NEXMIF: variants seen among roughly 807,000 people sequenced by gnomAD.
The protein encoded by NEXMIF is XLMR protein related to neurite extension.
Under a neutral mutation model 62.1 loss-of-function variants are expected in NEXMIF, and 8 were observed. The observed-to-expected ratio is 0.13, with a 90% CI of 0.08 to 0.23. NEXMIF has a LOEUF of 0.23. Among genes scored for constraint, NEXMIF ranks in the 10% least tolerant of loss-of-function variants. The pLI is 1.00. For missense variants in NEXMIF, 976 were observed against 1,113.3 expected (o/e 0.88, Z 1.75); for synonymous variants, 404 against 416.6 (o/e 0.97, Z 0.37).
At chrX:74,898,593 G>A (rs1033631783) in intron 1 of NEXMIF, among the ~76,000 whole-genome samples, 3 of 111,516 alleles carry the variant, frequency 2.7e-5, no homozygotes, top group African/African-American at 6.5e-5. Context: ...TGTGACAAAC[G>A]TACCACACTC....
In NEXMIF at chrX:74,830,730, A is replaced by G. The variant is rs2080433335; in HGVS notation, c.-47-85033T>C. ...TTTGGTGTCCTCTTCAATTTCTTTC[A>G]TCAGCATTTTGTACTTTTCATTGTA... On this transcript the variant is annotated intron_variant, in intron 1 of 3. Coordinates refer to ENST00000055682, the MANE Select transcript of NEXMIF (RefSeq NM_001008537.3). Among the ~76,000 whole-genome samples the G allele has an allele frequency of 2.7e-5, 3 of 111,904 alleles. No homozygotes were observed. In the Admixed American group the frequency reaches 2.8e-4, roughly 11 times the overall value.
At chrX:74,859,217 T>A (rs1189779947) in intron 1 of NEXMIF, among the ~76,000 whole-genome samples, 2 of 111,124 alleles carry the variant, frequency 1.8e-5, no homozygotes, top group African/African-American at 6.5e-5. Flanking sequence ...CATTTAGTCA[T>A]CAAACTTCCA....
In NEXMIF at chrX:74,740,560, A is replaced by G. The variant is rs950441812; in HGVS notation, c.3997T>C (p.Phe1333Leu). The change falls in exon 3 of 4, where the codon TTC becomes CTC. Residue 1333 changes from phenylalanine (F) to leucine (L), a missense_variant. By Grantham distance (22) the Phe-to-Leu change is conservative. Coordinates refer to ENST00000055682, the MANE Select transcript of NEXMIF (RefSeq NM_001008537.3). ...IASGMADVQR[F>L]MMASIEPLWE... ...AGGGGCTCTATGGAGGCCATCATGA[A>G]TCTCTGCACATCTGCCATACCAGAG... The G allele has an allele frequency of 8.3e-7, 1 of 1,210,176 alleles. No individual in the cohort carries two copies. Among genetic ancestry groups the G allele is most frequent in the African/African-American group, 1.7e-5 (1 of 57,229 alleles).
At chrX:74,746,759 T>C (rs1331494549) in intron 1 of NEXMIF, among the ~76,000 whole-genome samples, 1 of 112,624 alleles carries the variant, frequency 8.9e-6, no homozygotes, top group Non-Finnish European at 1.9e-5. Context: ...ATACAAAGAC[T>C]GTATTAGGCA....
At chrX:74,856,582 G>A (rs1287003400) in intron 1 of NEXMIF, among the ~76,000 whole-genome samples, 1 of 110,788 alleles carries the variant, frequency 9.0e-6, no homozygotes, top group Admixed American at 9.6e-5. Context: ...TATAATGGAG[G>A]GGAGAGGGCA....
intron 1 of NEXMIF, among the ~76,000 whole-genome samples, chrX:74,790,026 T>A (rs1329992581): frequency 1.0e-5 from 1 of 96,389 alleles, no homozygotes; most frequent in East Asian, 3.4e-4. Flanking sequence ...TTGCTTTTGG[T>A]GTTTTAGACA....
chrX:74,841,538 G>A (rs762130302), intron 1 of NEXMIF, among the ~76,000 whole-genome samples: 2 of 111,824 alleles, frequency 1.8e-5, no homozygotes, highest in Admixed American at 9.5e-5. Context: ...GGTGAGAGAA[G>A]CCATCCTTGT....
intron 1 of NEXMIF, among the ~76,000 whole-genome samples, chrX:74,888,824 G>T (rs2080707225): frequency 8.9e-6 from 1 of 111,852 alleles, no homozygotes; most frequent in Non-Finnish European, 1.9e-5. Flanking sequence ...ATAGTTCATT[G>T]TTCCCAAAAT....
chrX:74,758,991 T>C (rs1338045822), intron 1 of NEXMIF, among the ~76,000 whole-genome samples: 1 of 112,413 alleles, frequency 8.9e-6, no homozygotes, highest in Non-Finnish European at 1.9e-5. Flanking sequence ...ACTTTTCACA[T>C]TGGTCAAATT....
At chrX:74,857,495 C>T (rs1761503932) in intron 1 of NEXMIF, among the ~76,000 whole-genome samples, 1 of 111,939 alleles carries the variant, frequency 8.9e-6, no homozygotes, top group South Asian at 3.7e-4. Context: ...CACTTGGGCC[C>T]TGAATAACCA....
intron 1 of NEXMIF, among the ~76,000 whole-genome samples, chrX:74,831,673 T>C (rs915106732): frequency 7.2e-4 from 80 of 111,562 alleles, no homozygotes; most frequent in African/African-American, 2.5e-3. Flanking sequence ...TGTGTCTTTA[T>C]AGCAGCATGA....
intron 1 of NEXMIF, among the ~76,000 whole-genome samples, chrX:74,798,433 A>G (rs1327539834): frequency 3.6e-5 from 4 of 111,763 alleles, no homozygotes; most frequent in African/African-American, 1.3e-4. Context: ...AACCTGAGAA[A>G]CTCTGGCTTT....
At chrX:74,756,783 C>T (rs1340419555) in intron 1 of NEXMIF, among the ~76,000 whole-genome samples, 1 of 112,067 alleles carries the variant, frequency 8.9e-6, no homozygotes, top group Non-Finnish European at 1.9e-5. Flanking sequence ...CCAATCCTGG[C>T]TGATGCCCAA....
chrX:74,904,536 C>A (rs1311893807), intron 1 of NEXMIF, among the ~76,000 whole-genome samples: 2 of 111,463 alleles, frequency 1.8e-5, no homozygotes, highest in Non-Finnish European at 3.8e-5. Context: ...AGATAGGGTA[C>A]AATCAAAGAA....
chrX:74,917,164 G>A (rs2080809963), intron 1 of NEXMIF, among the ~76,000 whole-genome samples: 1 of 111,912 alleles, frequency 8.9e-6, no homozygotes, highest in South Asian at 3.8e-4. Flanking sequence ...GGCCTGGTGG[G>A]AGGTAGTTGG....
At chrX:74,891,957 C>T (rs987316908) in intron 1 of NEXMIF, among the ~76,000 whole-genome samples, 6 of 112,146 alleles carry the variant, frequency 5.4e-5, no homozygotes, top group African/African-American at 1.6e-4. Context: ...GTTCTCAAGC[C>T]GGGCTATTAC....
intron 1 of NEXMIF, among the ~76,000 whole-genome samples, chrX:74,856,856 GAGA>G (rs904210549): frequency 1.8e-5 from 2 of 110,929 alleles, no homozygotes; most frequent in Admixed American, 9.5e-5. Context: ...CTGTGCTTAG[GAGA>G]AGGAGAATGA....
intron 1 of NEXMIF, among the ~76,000 whole-genome samples, chrX:74,760,266 T>C (rs924737986): frequency 1.8e-5 from 2 of 112,089 alleles, no homozygotes; most frequent in African/African-American, 3.2e-5. Context: ...GCTGAAGTTG[T>C]TTATTGGCTG....
chrX:74,744,144 C>T lies in NEXMIF; in HGVS notation c.413G>A (p.Cys138Tyr), dbSNP rs754465132. ...GCAAGTCCGACTTGGCTGCATGAGA[C>T]AGTCCCCATTCAGAGCTGACATGCC... is the stretch of plus-strand genomic sequence containing the variant. ...PAGMSALNGD[C>Y]LMQPSRTCLG... The change falls in exon 3 of 4, where the codon TGT becomes TAT. Residue 138 changes from cysteine (C) to tyrosine (Y), a missense_variant. By Grantham distance (194) the Cys-to-Tyr change is radical (BLOSUM62 -2). Coordinates refer to ENST00000055682, the MANE Select transcript of NEXMIF (RefSeq NM_001008537.3). 9 of 1,209,618 alleles carry T rather than the reference C, an allele frequency of 7.4e-6. No homozygotes were observed. The highest frequency in any genetic ancestry group is 5.3e-5 in the African/African-American group (3 of 57,120).
Sources: allele counts gnomAD v4.1 joint callset (sites outside exome capture counted in the v4.1 genomes callset), GRCh38; gene constraint gnomAD v4.1.1; transcripts MANE v1.5; gene names NCBI Gene and HGNC (gene_info 2026-07-23, HGNC 2026-07-21).